Variants in SPICE1 observed in about 807,000 individuals in gnomAD.
The protein encoded by SPICE1 is spindle and centriole-associated protein 1.
A neutral mutation model predicts 102.7 loss-of-function variants in SPICE1; 75 were observed. The observed-to-expected ratio is 0.73, with a 90% CI of 0.61 to 0.88. The LOEUF (loss-of-function observed/expected upper bound fraction) is 0.88, where lower values mean the gene tolerates loss of function less well. SPICE1 is among the 40% of genes least tolerant of loss of function. SPICE1 has a pLI of 0.00. For missense variants in SPICE1, 979 were observed against 1,020.1 expected (o/e 0.96, Z 0.55); for synonymous variants, 308 against 350.3 (o/e 0.88, Z 1.35).
At chr3:113,466,608 CAAA>C (rs540786121) in intron 10 of SPICE1, among the ~76,000 whole-genome samples, 6 of 101,486 alleles carry the variant, frequency 5.9e-5, no homozygotes, top group Admixed American at 2.2e-4. Context: ...GACTCTGTCT[CAAA>C]AAAAAAAAAA....
intron 12 of SPICE1, chr3:113,460,053 T>C (rs1489958249): frequency 1.0e-6 from 1 of 985,250 alleles, no homozygotes; most frequent in Non-Finnish European, 1.2e-6. Context: ...CTCATCAAAG[T>C]CTTACTTAAA....
intron 1 of SPICE1, among the ~76,000 whole-genome samples, chr3:113,511,220 G>A (rs1937215947): frequency 6.6e-6 from 1 of 152,130 alleles, no homozygotes; most frequent in African/African-American, 2.4e-5. Flanking sequence ...CAAAGACCTA[G>A]AACCAGAAAT....
chr3:113,493,475 C>T (rs895763560), intron 5 of SPICE1, among the ~76,000 whole-genome samples, 163 bp from the exon 6 acceptor site: 2 of 152,208 alleles, frequency 1.3e-5, no homozygotes, highest in African/African-American at 4.8e-5. Context: ...AACGTACTTA[C>T]ATATATTAAC....
chr3:113,473,914 A>T (rs1936269606), intron 7 of SPICE1, among the ~76,000 whole-genome samples: 1 of 152,150 alleles, frequency 6.6e-6, no homozygotes, highest in Non-Finnish European at 1.5e-5. Context: ...TCATAATGAC[A>T]GGATCAAATT....
chr3:113,458,121 T>A (rs80261433), intron 12 of SPICE1, among the ~76,000 whole-genome samples: 1,555 of 152,248 alleles, frequency 0.01, 31 homozygotes, highest in African/African-American at 0.035. Context: ...TCTTTCTGAC[T>A]TTTTCCACAG....
intron 1 of SPICE1, among the ~76,000 whole-genome samples, chr3:113,510,139 C>A (rs1044598672): frequency 6.6e-6 from 1 of 152,070 alleles, no homozygotes; most frequent in African/African-American, 2.4e-5. Flanking sequence ...ACCCTTTTCC[C>A]AAATAAGAAA....
At chr3:113,472,294 G>T (rs995647535) in intron 7 of SPICE1, among the ~76,000 whole-genome samples, 4 of 152,232 alleles carry the variant, frequency 2.6e-5, no homozygotes, top group Non-Finnish European at 4.4e-5. Flanking sequence ...TTCCAACTGG[G>T]TGGAGCCCAC....
chr3:113,480,309 A>C (rs561240884), intron 7 of SPICE1, among the ~76,000 whole-genome samples: 1 of 152,128 alleles, frequency 6.6e-6, no homozygotes, highest in South Asian at 2.1e-4. Context: ...GTGCTATATA[A>C]ATTGTTCCAG....
intron 16 of SPICE1, 22 bp from the exon 17 acceptor site, chr3:113,446,698 G>C (rs1935523364): frequency 1.3e-6 from 2 of 1,547,254 alleles, no homozygotes; most frequent in Non-Finnish European, 1.8e-6. Context: ...AAATAAAACA[G>C]AGTAAGAGAG....
chr3:113,469,444 TTATA>T (rs930880405), intron 7 of SPICE1, among the ~76,000 whole-genome samples: 1 of 146,236 alleles, frequency 6.8e-6, no homozygotes, highest in Non-Finnish European at 1.5e-5. Context: ...ATATAATTAA[TTATA>T]TATAATTATA....
rs898910304 is a variant in SPICE1 at position 113,472,627 on chromosome 3, C to T, written c.612-3389G>A. Among the ~76,000 whole-genome samples the T allele has an allele frequency of 6.6e-5, 10 of 152,258 alleles. No individual in the cohort carries two copies. In the South Asian group the frequency reaches 1.0e-3, roughly 16 times the overall value. On this transcript the variant is annotated intron_variant, in intron 7 of 17. Coordinates refer to ENST00000295872, the MANE Select transcript of SPICE1 (RefSeq NM_144718.4). ...ATCAGACAGCAGCATTCGCGGTTCA[C>T]GAAAATCCACTGTTCTGCAGCCACC...
chr3:113,495,673 C>T (rs189636816), intron 4 of SPICE1, among the ~76,000 whole-genome samples: 1 of 152,192 alleles, frequency 6.6e-6, no homozygotes, highest in Admixed American at 6.5e-5. Context: ...TATTATCCCA[C>T]AAACCAAATT....
At position 113,498,684 on chromosome 3, in the gene SPICE1, T is replaced by C. The variant is rs186340590; in HGVS notation, c.291+755A>G. On this transcript the variant is annotated intron_variant, in intron 4 of 17. Transcript: ENST00000295872. ...GCCTAACAAATTCCTCAAAAGAAAA[T>C]GTATGATTCAAAGCTGCCGTGAAAG... 1.0e-3 allele frequency among the ~76,000 whole-genome samples: 154 copies of C among 152,240 alleles called. 2 individuals carry two copies. The South Asian group carries it at 0.013, about 13-fold the overall frequency.
chr3:113,472,144 C>T (rs1481808995), intron 7 of SPICE1, among the ~76,000 whole-genome samples: 1 of 152,260 alleles, frequency 6.6e-6, no homozygotes, highest in Non-Finnish European at 1.5e-5. Context: ...CGGCACCTGG[C>T]TCGGAGGGTC....
chr3:113,506,483 A>T (rs1301658716), intron 2 of SPICE1, 24 bp downstream of exon 2: 16 of 1,560,514 alleles, frequency 1.0e-5, no homozygotes, highest in African/African-American at 9.5e-5. Flanking sequence ...ATGTTACATT[A>T]TTTACTATCC....
intron 12 of SPICE1, among the ~76,000 whole-genome samples, chr3:113,457,621 C>T (rs1419126556): frequency 1.3e-5 from 2 of 152,090 alleles, no homozygotes; most frequent in Non-Finnish European, 2.9e-5. Flanking sequence ...GTTAGGGACT[C>T]CTAAAAAATC....
At chr3:113,472,130 T>C (rs1936216700) in intron 7 of SPICE1, among the ~76,000 whole-genome samples, 1 of 152,192 alleles carries the variant, frequency 6.6e-6, no homozygotes, top group Admixed American at 6.5e-5. Flanking sequence ...CAGGAGATTA[T>C]ATCCGGCACC....
intron 7 of SPICE1, among the ~76,000 whole-genome samples, chr3:113,476,571 T>C (rs1455405453): frequency 1.4e-5 from 2 of 142,672 alleles, no homozygotes; most frequent in Non-Finnish European, 3.0e-5. Context: ...AGCATGTTAC[T>C]GGTACCAAAA....
chr3:113,450,027 C>A, intron 15 of SPICE1: 1 of 257,214 alleles, frequency 3.9e-6, no homozygotes, highest in Non-Finnish European at 7.5e-6. Flanking sequence ...ATATTTCATG[C>A]TTAGTTGCAG....
Sources: allele counts gnomAD v4.1 joint callset (sites outside exome capture counted in the v4.1 genomes callset), GRCh38; gene constraint gnomAD v4.1.1; transcripts MANE v1.5; gene names NCBI Gene and HGNC (gene_info 2026-07-23, HGNC 2026-07-21).